The following SPMIP3 variants were observed in gnomAD, a reference collection of about 807,000 sequenced individuals.
The protein encoded by SPMIP3 is protein SPMIP3.
chr1:244,375,283 C>A, the SPMIP3 span: 2 of 1,049,240 alleles, frequency 1.9e-6, no homozygotes, highest in Non-Finnish European at 2.9e-6. Flanking sequence ...AGACCAAATA[C>A]GTTTTGTATT....
At chr1:244,358,913 T>C in the SPMIP3 span, among the ~76,000 whole-genome samples, 2 of 152,102 alleles carry the variant, frequency 1.3e-5, no homozygotes, top group African/African-American at 4.8e-5. Flanking sequence ...ATTAAATGTT[T>C]TCAGGGAGAT....
At chr1:244,384,463 C>T in the SPMIP3 span, among the ~76,000 whole-genome samples, 4 of 152,148 alleles carry the variant, frequency 2.6e-5, no homozygotes, top group East Asian at 7.7e-4. Context: ...CTCAGCCTCC[C>T]AAAGTGCTGG....
At chr1:244,371,158 C>T in the SPMIP3 span, among the ~76,000 whole-genome samples, 2 of 152,318 alleles carry the variant, frequency 1.3e-5, no homozygotes, top group Admixed American at 6.5e-5. Context: ...CAGGTTTGCT[C>T]TCATGTGGAC....
chr1:244,389,127 T>A, the SPMIP3 span: 2 of 1,275,428 alleles, frequency 1.6e-6, no homozygotes, highest in Non-Finnish European at 1.1e-6. Context: ...TTAGACTAAG[T>A]TAATGGCAGC....
At chr1:244,377,013 G>A in the SPMIP3 span, among the ~76,000 whole-genome samples, 3 of 151,836 alleles carry the variant, frequency 2.0e-5, no homozygotes, top group Admixed American at 2.0e-4. Flanking sequence ...TCACCATGTT[G>A]GCCAGGGTGG....
chr1:244,375,344 C>T, the SPMIP3 span: 1 of 1,557,972 alleles, frequency 6.4e-7, no homozygotes, highest in Non-Finnish European at 8.8e-7. Context: ...GAATGGCTTT[C>T]TTCTCACCTC....
chr1:244,352,954 C>CT, the SPMIP3 span, among the ~76,000 whole-genome samples: 36 of 152,146 alleles, frequency 2.4e-4, no homozygotes, highest in South Asian at 4.6e-3. Context: ...CTCAACGTGT[C>CT]TTTTTTTTCT....
the SPMIP3 span, among the ~76,000 whole-genome samples, chr1:244,363,294 G>C: frequency 6.6e-6 from 1 of 152,088 alleles, no homozygotes; most frequent in African/African-American, 2.4e-5. Flanking sequence ...TATAATCCCA[G>C]CTACTCAGGA....
At chr1:244,373,339 TATATATATATGCATGCCAGGC>T in the SPMIP3 span, among the ~76,000 whole-genome samples, 1 of 131,884 alleles carries the variant, frequency 7.6e-6, no homozygotes, top group Non-Finnish European at 1.7e-5. Context: ...AAATTATATA[TATATATATATGCATGCCAGGC>T]ATATGGTACA....
chr1:244,366,879 C>CA, the SPMIP3 span, among the ~76,000 whole-genome samples: 4 of 150,128 alleles, frequency 2.7e-5, no homozygotes, highest in African/African-American at 4.9e-5. Context: ...GACTCTGTCT[C>CA]AAAAAAAAGA....
the SPMIP3 span, among the ~76,000 whole-genome samples, chr1:244,369,605 TG>T: frequency 6.6e-6 from 1 of 152,112 alleles, no homozygotes. Context: ...GTGGGTCTTC[TG>T]GTCCCTGGTG....
chr1:244,385,420 G>A, the SPMIP3 span, among the ~76,000 whole-genome samples: 1 of 152,164 alleles, frequency 6.6e-6, no homozygotes, highest in Non-Finnish European at 1.5e-5. Flanking sequence ...AGACAGAGTG[G>A]AGGGTATGGA....
the SPMIP3 span, among the ~76,000 whole-genome samples, chr1:244,360,507 T>TACACAC: frequency 1.2e-3 from 15 of 12,862 alleles, 1 homozygote; most frequent in African/African-American, 1.7e-3. Flanking sequence ...GAAAACGTGA[T>TACACAC]ATACACACAC....
At chr1:244,376,197 G>A in the SPMIP3 span, among the ~76,000 whole-genome samples, 1 of 152,126 alleles carries the variant, frequency 6.6e-6, no homozygotes, top group Non-Finnish European at 1.5e-5. Context: ...CACGAGCACG[G>A]TCAGATTCTT....
At chr1:244,360,555 CACAT>C in the SPMIP3 span, among the ~76,000 whole-genome samples, 3 of 39,640 alleles carry the variant, frequency 7.6e-5, no homozygotes, top group African/African-American at 1.0e-4. Flanking sequence ...CACACACACA[CACAT>C]GCATGCATGG....
At chr1:244,384,317 C>T in the SPMIP3 span, among the ~76,000 whole-genome samples, 1 of 152,158 alleles carries the variant, frequency 6.6e-6, no homozygotes, top group East Asian at 1.9e-4. Context: ...GATCCTCCTC[C>T]CTCAGCCCCC....
At chr1:244,365,818 G>A in the SPMIP3 span, among the ~76,000 whole-genome samples, 1 of 152,168 alleles carries the variant, frequency 6.6e-6, no homozygotes, top group African/African-American at 2.4e-5. Context: ...AGCAATCCAA[G>A]CCCACATTTT....
the SPMIP3 span, among the ~76,000 whole-genome samples, chr1:244,374,921 T>C: frequency 6.6e-5 from 10 of 152,206 alleles, no homozygotes; most frequent in Admixed American, 5.2e-4. Context: ...TCAACTGTTA[T>C]CAACATTTGC....
the SPMIP3 span, among the ~76,000 whole-genome samples, chr1:244,357,305 AG>A: frequency 1.3e-5 from 2 of 152,208 alleles, no homozygotes; most frequent in African/African-American, 2.4e-5. Context: ...AGAAAAACAA[AG>A]CAAAGGCAGG....
Sources: gnomAD v4.1 joint callset for allele counts (sites outside exome capture counted in the v4.1 genomes callset) on GRCh38, gnomAD v4.1.1 for gene constraint, MANE v1.5 for transcripts, NCBI Gene and HGNC (gene_info 2026-07-23, HGNC 2026-07-21) for gene names.